CSMD1: variants seen among roughly 807,000 people sequenced by gnomAD.
CSMD1 encodes CUB and Sushi multiple domains 1.
A neutral mutation model predicts 417.5 loss-of-function variants in CSMD1; 213 were observed. The ratio of observed to expected loss-of-function variants is 0.51; its 90% CI spans 0.46 to 0.57. The LOEUF (loss-of-function observed/expected upper bound fraction) is 0.57, where lower values mean the gene tolerates loss of function less well. Ranked by LOEUF, CSMD1 falls within the 20% of genes least tolerant of loss-of-function variation. CSMD1 has a pLI of 0.00. For synonymous variants in CSMD1, 2,862 were observed against 1,736.8 expected (o/e 1.65, Z -16.11); for missense variants, 6,923 against 4,529.7 (o/e 1.53, Z -15.17).
intron 1 of CSMD1, among the ~76,000 whole-genome samples, chr8:4,796,472 G>A (rs935270344): frequency 1.3e-5 from 2 of 148,630 alleles, no homozygotes; most frequent in African/African-American, 2.5e-5. Context: ...ATCTTTGAGA[G>A]CTTCTTGACA....
At chr8:4,852,762 T>A (rs777562957) in intron 1 of CSMD1, among the ~76,000 whole-genome samples, 2 of 151,876 alleles carry the variant, frequency 1.3e-5, no homozygotes, top group Non-Finnish European at 2.9e-5. Context: ...CTGATAGAAA[T>A]GTGGACAGTG....
At chr8:3,513,361 A>C (rs1187047297) in intron 10 of CSMD1, among the ~76,000 whole-genome samples, 2 of 142,764 alleles carry the variant, frequency 1.4e-5, no homozygotes, top group Non-Finnish European at 3.0e-5. Flanking sequence ...TTTGAGATGG[A>C]GTCTTACTTT....
chr8:3,970,080 G>T (rs954128765), intron 5 of CSMD1, among the ~76,000 whole-genome samples: 3 of 152,166 alleles, frequency 2.0e-5, no homozygotes, highest in Non-Finnish European at 4.4e-5. Flanking sequence ...GTTAGGTGCT[G>T]CTCTAAAATT....
intron 37 of CSMD1, among the ~76,000 whole-genome samples, chr8:3,179,015 T>G (rs946895596): frequency 1.3e-5 from 2 of 151,540 alleles, no homozygotes; most frequent in Non-Finnish European, 2.9e-5. Context: ...TGGCGCGATC[T>G]TGGCTCACTG....
At chr8:4,297,835 C>A (rs1239315558) in intron 3 of CSMD1, among the ~76,000 whole-genome samples, 2 of 152,046 alleles carry the variant, frequency 1.3e-5, no homozygotes, top group African/African-American at 2.4e-5. Flanking sequence ...TCTGAATATG[C>A]CATTATATAA....
chr8:3,672,446 G>A lies in CSMD1; in HGVS notation c.1009+35968C>T, dbSNP rs559911059. ...GGTGTGCTGGTATCAGAGTGTGGGA[G>A]CTGACTTTCAAATGTTCAAAACACG... On this transcript the variant is annotated intron_variant, in intron 7 of 69. Transcript: ENST00000635120. Among the ~76,000 whole-genome samples the A allele has an allele frequency of 7.2e-5, 11 of 152,258 alleles. No individual in the cohort carries two copies. In the East Asian group the frequency reaches 1.9e-3, roughly 27 times the overall value.
intron 25 of CSMD1, chr8:3,284,719 G>T (rs547000276): frequency 4.5e-6 from 1 of 221,354 alleles, no homozygotes; most frequent in African/African-American, 2.3e-5. Context: ...GAAGCAGATG[G>T]AAGGCAGCTT....
At chr8:4,182,096 G>C (rs771488730) in intron 3 of CSMD1, among the ~76,000 whole-genome samples, 1 of 151,478 alleles carries the variant, frequency 6.6e-6, no homozygotes, top group South Asian at 2.1e-4. Flanking sequence ...TACCTGAATA[G>C]CATTTCAATG....
chr8:3,645,497 G>T (rs770398369), intron 7 of CSMD1, among the ~76,000 whole-genome samples: 1 of 152,176 alleles, frequency 6.6e-6, no homozygotes. Flanking sequence ...GGAAGAAATG[G>T]GGAAGGGGAA....
At chr8:3,940,056 A>G (rs1249838841) in intron 5 of CSMD1, among the ~76,000 whole-genome samples, 1 of 152,178 alleles carries the variant, frequency 6.6e-6, no homozygotes, top group African/African-American at 2.4e-5. Context: ...GAAGATGTGT[A>G]GATTTACATA....
intron 7 of CSMD1, chr8:3,704,920 G>T (rs973161884): frequency 6.6e-6 from 1 of 152,284 alleles, no homozygotes; most frequent in African/African-American, 2.4e-5. Flanking sequence ...GATATAGTCA[G>T]AGGGCATGGA....
At chr8:4,454,965 G>C (rs1232296761) in intron 2 of CSMD1, among the ~76,000 whole-genome samples, 8 of 152,074 alleles carry the variant, frequency 5.3e-5, no homozygotes, top group Non-Finnish European at 8.8e-5. Flanking sequence ...GTTTCTTCAT[G>C]GACCTGGGAT....
intron 1 of CSMD1, among the ~76,000 whole-genome samples, chr8:4,813,657 C>G (rs369305798): frequency 2.0e-5 from 3 of 152,120 alleles, no homozygotes; most frequent in South Asian, 2.1e-4. Context: ...TCAATTTACA[C>G]GTTGCAAGAG....
At chr8:4,457,390 C>G (rs755567893) in intron 2 of CSMD1, among the ~76,000 whole-genome samples, 1 of 151,872 alleles carries the variant, frequency 6.6e-6, no homozygotes. Context: ...AGGTCTGGAA[C>G]AGGAAGGGAA....
intron 3 of CSMD1, among the ~76,000 whole-genome samples, chr8:4,036,736 C>G (rs376348052): frequency 2.0e-5 from 3 of 152,322 alleles, no homozygotes; most frequent in Non-Finnish European, 2.9e-5. Flanking sequence ...CAGTTGCAGG[C>G]TTTTATTTTA....
chr8:2,978,914 A>C, intron 54 of CSMD1, 114 bp from the exon 55 acceptor site: 2 of 868,724 alleles, frequency 2.3e-6, no homozygotes, highest in Non-Finnish European at 1.7e-6. Flanking sequence ...AACTGACAAC[A>C]TGATGGCTGA....
rs181816857 is a variant in CSMD1 at position 4,332,039 on chromosome 8, G to A, written c.415+87914C>T. Among the ~76,000 whole-genome samples, 25 of 152,096 alleles carry A rather than the reference G, an allele frequency of 1.6e-4. 1 individual carries two copies. Among genetic ancestry groups the A allele is most frequent in the Non-Finnish European group, 2.8e-4 (19 of 67,982 alleles). On this transcript the variant is annotated intron_variant, in intron 3 of 69. Transcript: ENST00000635120. ...CCCACAAACAATGATGGATGCTTGT[G>A]GTTTTTATTTTTTATCTTATCAGTT...
At chr8:4,119,580 T>C (rs886563695) in intron 3 of CSMD1, among the ~76,000 whole-genome samples, 3 of 79,522 alleles carry the variant, frequency 3.8e-5, no homozygotes, top group Non-Finnish European at 5.0e-5. Context: ...AGGATAATAG[T>C]AGTGTTCTTC....
At chr8:3,389,176 T>C (rs1031442325) in intron 17 of CSMD1, among the ~76,000 whole-genome samples, 1 of 152,104 alleles carries the variant, frequency 6.6e-6, no homozygotes, top group African/African-American at 2.4e-5. Context: ...TGGTAAACTT[T>C]TGTCATGGGA....
Sources: allele counts gnomAD v4.1 joint callset (sites outside exome capture counted in the v4.1 genomes callset), GRCh38; gene constraint gnomAD v4.1.1; transcripts MANE v1.5; gene names NCBI Gene and HGNC (gene_info 2026-07-23, HGNC 2026-07-21).